The following ETF1 variants were observed in gnomAD, a reference collection of about 807,000 sequenced individuals.
The protein encoded by ETF1 is eukaryotic peptide chain release factor subunit 1.
ETF1 carries 4 observed loss-of-function variants against 55.1 expected under a neutral mutation model. That is an observed-to-expected ratio of 0.07 (90% CI 0.04 to 0.17). The LOEUF is 0.17. ETF1 is among the 10% of genes least tolerant of loss of function. ETF1 has a pLI of 1.00. For synonymous variants in ETF1, 157 were observed against 182.3 expected (o/e 0.86, Z 1.12); for missense variants, 142 against 523.6 (o/e 0.27, Z 7.11).
At chr5:138,529,313 G>A (rs1281311202) in intron 2 of ETF1, among the ~76,000 whole-genome samples, 2 of 152,194 alleles carry the variant, frequency 1.3e-5, no homozygotes, top group African/African-American at 4.8e-5. Context: ...AATTAAGGAA[G>A]CTGAATACTT....
At chr5:138,512,732 C>G in intron 6 of ETF1, 32 bp downstream of exon 6, 2 of 1,551,812 alleles carry the variant, frequency 1.3e-6, no homozygotes, top group Non-Finnish European at 1.7e-6. Context: ...TACCTAGGGT[C>G]TTACATAATA....
chr5:138,539,082 G>A (rs1766068782), intron 2 of ETF1, among the ~76,000 whole-genome samples: 1 of 152,170 alleles, frequency 6.6e-6, no homozygotes, highest in Admixed American at 6.5e-5. Flanking sequence ...AAGGGTTATG[G>A]TTATGAGGGT....
At chr5:138,509,031 C>G in intron 9 of ETF1, 2 of 985,282 alleles carry the variant, frequency 2.0e-6, no homozygotes, top group Non-Finnish European at 2.4e-6. Context: ...TCCTCAGGCT[C>G]TACCCTCAGC....
intron 2 of ETF1, among the ~76,000 whole-genome samples, chr5:138,524,315 T>C (rs1765365480): frequency 6.6e-6 from 1 of 151,922 alleles, no homozygotes; most frequent in Admixed American, 6.6e-5. Flanking sequence ...ATCGTGCCAC[T>C]ACACTCCAGA....
intron 2 of ETF1, among the ~76,000 whole-genome samples, chr5:138,536,496 T>C (rs1765937969): frequency 6.6e-6 from 1 of 152,156 alleles, no homozygotes; most frequent in Non-Finnish European, 1.5e-5. Flanking sequence ...TCTCAATTTC[T>C]AACCTGCCGG....
At chr5:138,542,538 G>A (rs1462481297) in intron 2 of ETF1, 2 of 1,058,734 alleles carry the variant, frequency 1.9e-6, no homozygotes, top group Non-Finnish European at 2.5e-6. Flanking sequence ...GAAGAGGGAG[G>A]ACCTGGACTT....
chr5:138,517,752 T>C, intron 3 of ETF1, 52 bp from the exon 4 acceptor site: 2 of 1,365,212 alleles, frequency 1.5e-6, no homozygotes, highest in Non-Finnish European at 1.9e-6. Context: ...TAGTTTTTCG[T>C]CAATTAATAG....
chr5:138,512,779 A>G lies in ETF1; in HGVS notation c.717T>C (p.Ser239=), dbSNP rs1764871120. 6.3e-7 allele frequency: 1 copy of G among 1,590,310 alleles called. No homozygotes were observed. The highest frequency in any genetic ancestry group is 1.2e-5 in the South Asian group (1 of 86,142). The change falls in exon 6 of 11, where the codon TCT becomes TCC. Residue 239 remains serine, a synonymous_variant. Coordinates refer to ENST00000360541, the MANE Select transcript of ETF1 (RefSeq NM_004730.4). ...TCTTACTTACCTGATCAAACATATC[A>G]GATTGACTTAGTTCAGTTTTAAAGT... ...SADFKTELSQ[S]DMFDQRLQSK...
At chr5:138,511,315 A>G in intron 7 of ETF1, 115 bp from the exon 8 acceptor site, 1 of 1,524,200 alleles carries the variant, frequency 6.6e-7, no homozygotes. Flanking sequence ...TACTGAGGCA[A>G]AAGAGTTAAT....
intron 2 of ETF1, among the ~76,000 whole-genome samples, chr5:138,537,597 A>AT (rs1004648812): frequency 1.3e-5 from 2 of 151,528 alleles, no homozygotes; most frequent in African/African-American, 2.4e-5. Flanking sequence ...TGTTATTATT[A>AT]TTTTTTTTGA....
chr5:138,541,714 TAAG>T (rs977152140), intron 2 of ETF1: 19 of 1,132,322 alleles, frequency 1.7e-5, no homozygotes, highest in Non-Finnish European at 7.7e-6. Flanking sequence ...TCTACTATTC[TAAG>T]AATGCTCAGA....
At chr5:138,529,613 CA>C (rs1200086570) in intron 2 of ETF1, 10 of 985,416 alleles carry the variant, frequency 1.0e-5, no homozygotes, top group Admixed American at 6.1e-5. Context: ...TTCTTGTTCT[CA>C]TTGGTTTTAG....
chr5:138,519,248 G>A (rs1359718407), intron 2 of ETF1: 5 of 956,140 alleles, frequency 5.2e-6, no homozygotes, highest in Non-Finnish European at 5.0e-6. Flanking sequence ...AGTGGGAGAC[G>A]CCATGACAGG....
At chr5:138,518,016 ACATGGTGAAAC>A (rs1323632980) in intron 3 of ETF1, 1 of 252,210 alleles carries the variant, frequency 4.0e-6, no homozygotes, top group East Asian at 1.8e-4. Context: ...AACCTGGCCA[ACATGGTGAAAC>A]CCCATCTCTA....
intron 2 of ETF1, among the ~76,000 whole-genome samples, chr5:138,531,805 G>C (rs1765710063): frequency 6.6e-6 from 1 of 152,194 alleles, no homozygotes; most frequent in Non-Finnish European, 1.5e-5. Flanking sequence ...CCAGCACTTT[G>C]GGAGGCCAAG....
At chr5:138,509,258 G>A (rs1343595483) in intron 9 of ETF1, 1 of 809,496 alleles carries the variant, frequency 1.2e-6, no homozygotes, top group Non-Finnish European at 1.5e-6. Context: ...ATACGGGAGG[G>A]TCATACTTTC....
intron 2 of ETF1, among the ~76,000 whole-genome samples, chr5:138,523,353 C>T (rs1042431948): frequency 6.7e-6 from 1 of 149,260 alleles, no homozygotes; most frequent in Non-Finnish European, 1.5e-5. Context: ...GATGACAGAG[C>T]TAGACTCCGT....
intron 2 of ETF1, among the ~76,000 whole-genome samples, chr5:138,534,818 T>A (rs1765846098): frequency 2.0e-5 from 3 of 152,242 alleles, no homozygotes. Context: ...TACTAAAGGC[T>A]GTGATATTAG....
At chr5:138,522,880 C>T (rs547329581) in intron 2 of ETF1, among the ~76,000 whole-genome samples, 24 of 152,182 alleles carry the variant, frequency 1.6e-4, no homozygotes, top group Admixed American at 1.6e-3. Context: ...GTGGCAGGCG[C>T]CTGTAGTCTC....
Sources: allele counts gnomAD v4.1 joint callset (sites outside exome capture counted in the v4.1 genomes callset), GRCh38; gene constraint gnomAD v4.1.1; transcripts MANE v1.5; gene names NCBI Gene and HGNC (gene_info 2026-07-23, HGNC 2026-07-21).